The following MSRA variants were observed in gnomAD, a reference collection of about 807,000 sequenced individuals.
The protein encoded by MSRA is mitochondrial peptide methionine sulfoxide reductase.
Under a neutral mutation model 31.3 loss-of-function variants are expected in MSRA, and 54 were observed. The observed-to-expected ratio is 1.73, with a 90% CI of 1.39 to 2.17. The LOEUF is 2.17. MSRA is among the 30% of genes most tolerant of loss of function. The pLI is 0.00. For synonymous variants in MSRA, 169 were observed against 116.5 expected (o/e 1.45, Z -2.90); for missense variants, 507 against 300.9 (o/e 1.69, Z -5.07).
rs377263476 is a variant in MSRA, at chr8:10,335,144, A to G, written c.543+15155A>G. ...AGCTGTCCAGAAACGGTCAGGGTCA[A>G]TGTCATCAGCTTCTCCATGGAATGG... On this transcript the variant is annotated intron_variant, in intron 5 of 5. Transcript: ENST00000317173. Among the ~76,000 whole-genome samples the G allele has an allele frequency of 1.4e-4, 21 of 152,094 alleles. No homozygotes were observed. In the East Asian group the frequency reaches 3.5e-3, roughly 25 times the overall value.
At chr8:10,422,446 G>T (rs1247190930) in intron 5 of MSRA, among the ~76,000 whole-genome samples, 1 of 152,214 alleles carries the variant, frequency 6.6e-6, no homozygotes, top group African/African-American at 2.4e-5. Context: ...GCTTCCTGGG[G>T]TCATTGAGGA....
intron 5 of MSRA, among the ~76,000 whole-genome samples, chr8:10,384,760 C>A (rs1806282452): frequency 6.6e-6 from 1 of 152,196 alleles, no homozygotes; most frequent in East Asian, 1.9e-4. Flanking sequence ...GAAATCCTAG[C>A]AGTTTGAGAG....
At chr8:10,102,527 A>G (rs1307100152) in intron 1 of MSRA, among the ~76,000 whole-genome samples, 4 of 152,170 alleles carry the variant, frequency 2.6e-5, no homozygotes, top group Non-Finnish European at 4.4e-5. Flanking sequence ...GTTTGTGGAA[A>G]CATGTTTATA....
intron 1 of MSRA, among the ~76,000 whole-genome samples, chr8:10,186,576 C>T (rs961370878): frequency 6.6e-6 from 1 of 152,234 alleles, no homozygotes; most frequent in African/African-American, 2.4e-5. Context: ...TGCCAATCCC[C>T]TGTTCTATAA....
intron 2 of MSRA, among the ~76,000 whole-genome samples, chr8:10,211,319 C>G (rs970542385): frequency 6.6e-6 from 1 of 152,128 alleles, no homozygotes; most frequent in East Asian, 1.9e-4. Flanking sequence ...CTTATGTAGC[C>G]CAACAGTTAG....
intron 5 of MSRA, among the ~76,000 whole-genome samples, chr8:10,336,506 G>A (rs1010344565): frequency 6.6e-6 from 1 of 151,530 alleles, no homozygotes; most frequent in East Asian, 1.9e-4. Context: ...TTGCTGTATG[G>A]TTATTTTTCC....
intron 5 of MSRA, among the ~76,000 whole-genome samples, chr8:10,364,213 C>G (rs1805027686): frequency 6.6e-6 from 1 of 152,162 alleles, no homozygotes; most frequent in East Asian, 1.9e-4. Flanking sequence ...TTGTCCCTGC[C>G]CGTATGAGTT....
chr8:10,373,047 A>G (rs191466647), intron 5 of MSRA, among the ~76,000 whole-genome samples: 1 of 152,090 alleles, frequency 6.6e-6, no homozygotes, highest in Non-Finnish European at 1.5e-5. Flanking sequence ...GGCATTTACC[A>G]CACCAGCTAA....
chr8:10,261,726 G>A (rs1169148495), intron 3 of MSRA, among the ~76,000 whole-genome samples: 1 of 152,126 alleles, frequency 6.6e-6, no homozygotes, highest in Non-Finnish European at 1.5e-5. Flanking sequence ...ATTAACTAAA[G>A]TCCATAGTTT....
intron 1 of MSRA, among the ~76,000 whole-genome samples, chr8:10,076,488 T>C (rs1041337013): frequency 6.6e-6 from 1 of 152,204 alleles, no homozygotes; most frequent in African/African-American, 2.4e-5. Flanking sequence ...CCCATAGTCT[T>C]ATAACCTCTT....
chr8:10,359,735 G>A (rs1458280308), intron 5 of MSRA, among the ~76,000 whole-genome samples: 2 of 151,948 alleles, frequency 1.3e-5, no homozygotes, highest in Admixed American at 1.3e-4. Context: ...CTCAGATGGA[G>A]GACGATCTCA....
At chr8:10,421,160 G>T (rs546814321) in intron 5 of MSRA, among the ~76,000 whole-genome samples, 1 of 152,118 alleles carries the variant, frequency 6.6e-6, no homozygotes, top group Admixed American at 6.5e-5. Context: ...GGGCTCCTGG[G>T]GCAGGGCGGC....
chr8:10,310,601 T>C (rs924287379), intron 4 of MSRA, among the ~76,000 whole-genome samples: 1 of 152,248 alleles, frequency 6.6e-6, no homozygotes, highest in African/African-American at 2.4e-5. Context: ...TAAGTGCTCA[T>C]GTGTACGTGA....
At chr8:10,357,959 G>T (rs926010197) in intron 5 of MSRA, among the ~76,000 whole-genome samples, 3 of 152,104 alleles carry the variant, frequency 2.0e-5, no homozygotes, top group African/African-American at 7.2e-5. Context: ...TTTTACTCTT[G>T]TTGTCCAGGC....
chr8:10,304,427 A>C (rs1416833242), intron 4 of MSRA, among the ~76,000 whole-genome samples: 1 of 152,272 alleles, frequency 6.6e-6, no homozygotes, highest in Non-Finnish European at 1.5e-5. Flanking sequence ...TAAAACAAGT[A>C]TGTGTTAGCA....
intron 3 of MSRA, among the ~76,000 whole-genome samples, chr8:10,271,005 C>T (rs1309193782): frequency 2.0e-5 from 3 of 150,480 alleles, no homozygotes; most frequent in Non-Finnish European, 2.9e-5. Context: ...CCTCAGCTGC[C>T]TGGTGCACAT....
chr8:10,352,666 A>G (rs1804248849), intron 5 of MSRA, among the ~76,000 whole-genome samples: 1 of 152,194 alleles, frequency 6.6e-6, no homozygotes, highest in Non-Finnish European at 1.5e-5. Flanking sequence ...GTTGTAGAGT[A>G]CAAATCAGAT....
intron 1 of MSRA, among the ~76,000 whole-genome samples, chr8:10,080,251 C>T (rs76939060): frequency 3.9e-5 from 6 of 152,102 alleles, no homozygotes; most frequent in Admixed American, 3.3e-4. Context: ...TGCCTAGGAA[C>T]TAACTTTATC....
intron 5 of MSRA, among the ~76,000 whole-genome samples, chr8:10,323,745 C>CGTGTGT (rs10643873): frequency 0.016 from 2,247 of 142,682 alleles, 56 homozygotes; most frequent in African/African-American, 0.047. Flanking sequence ...GAATTAAATA[C>CGTGTGT]GTGTGTGTGT....
Sources: gnomAD v4.1 joint callset for allele counts (sites outside exome capture counted in the v4.1 genomes callset) on GRCh38, gnomAD v4.1.1 for gene constraint, MANE v1.5 for transcripts, NCBI Gene and HGNC (gene_info 2026-07-23, HGNC 2026-07-21) for gene names.